Variants in CSTL1 observed in about 807,000 individuals in gnomAD.
CSTL1 encodes cystatin-like 1.
A neutral mutation model predicts 14.4 loss-of-function variants in CSTL1; 14 were observed. The observed-to-expected ratio is 0.97, with a 90% CI of 0.64 to 1.52. The LOEUF is 1.52. Among genes scored for constraint, CSTL1 ranks in the 40% most tolerant of loss-of-function variants. The probability of loss-of-function intolerance (pLI) is 0.00; values close to 1 mark genes in which losing one functional copy is unlikely to be tolerated. For missense variants in CSTL1, 170 were observed against 168.7 expected (o/e 1.01, Z -0.04); for synonymous variants, 72 against 67.5 (o/e 1.07, Z -0.33).
chr20:23,456,017 A>G, the CSTL1 span, among the ~76,000 whole-genome samples: 27,889 of 152,046 alleles, frequency 0.18, 4,777 homozygotes, highest in African/African-American at 0.44. Flanking sequence ...CTCTTCCTCT[A>G]TGTTCATAAT....
intron 2 of CSTL1, among the ~76,000 whole-genome samples, chr20:23,443,206 G>A (rs1986878604): frequency 6.6e-6 from 1 of 152,218 alleles, no homozygotes; most frequent in East Asian, 1.9e-4. Flanking sequence ...GCCAGATTTT[G>A]TGTTCTGTCA....
downstream of CSTL1, among the ~76,000 whole-genome samples, chr20:23,448,056 T>C (rs1333784435): frequency 2.0e-5 from 3 of 152,112 alleles, no homozygotes; most frequent in Non-Finnish European, 4.4e-5. Context: ...TTTATTTCAA[T>C]GGGTTTTTGG....
chr20:23,448,428 G>T (rs1459790171), downstream of CSTL1, among the ~76,000 whole-genome samples: 2 of 152,122 alleles, frequency 1.3e-5, no homozygotes, highest in Non-Finnish European at 2.9e-5. Flanking sequence ...CTTGAGCATG[G>T]TGCTGGTTAC....
the CSTL1 span, among the ~76,000 whole-genome samples, chr20:23,450,058 G>T: frequency 1.3e-5 from 2 of 152,074 alleles, no homozygotes; most frequent in Non-Finnish European, 2.9e-5. Flanking sequence ...CACACTTTAG[G>T]TAAGGAGAGA....
chr20:23,452,656 G>A, the CSTL1 span: 61 of 1,613,780 alleles, frequency 3.8e-5, 1 homozygote, highest in South Asian at 4.3e-4. Context: ...TATACTGGTC[G>A]GTGATCCACT....
chr20:23,457,643 T>C, the CSTL1 span: 19 of 152,130 alleles, frequency 1.2e-4, no homozygotes, highest in Admixed American at 1.1e-3. Flanking sequence ...CTGTAACTGT[T>C]TGTGATCAAT....
chr20:23,451,965 C>A, the CSTL1 span: 1 of 1,471,216 alleles, frequency 6.8e-7, no homozygotes, highest in East Asian at 2.3e-5. Flanking sequence ...TCCCCTTCTC[C>A]CCTGTCTGCG....
the CSTL1 span, chr20:23,450,637 T>C: frequency 1.4e-6 from 2 of 1,453,270 alleles, no homozygotes; most frequent in Non-Finnish European, 9.5e-7. Context: ...CAGGTGAAAT[T>C]TAAAAGGAGA....
At chr20:23,449,410 ATG>A (rs930262449), downstream of CSTL1, among the ~76,000 whole-genome samples, 10 of 151,644 alleles carry the variant, frequency 6.6e-5, no homozygotes, top group African/African-American at 2.4e-4. Flanking sequence ...GTGTGTGTGT[ATG>A]TGTGTGTGTA....
downstream of CSTL1, chr20:23,445,001 C>T: frequency 1.4e-6 from 1 of 701,356 alleles, no homozygotes; most frequent in South Asian, 1.6e-5. Context: ...CACGTACACA[C>T]ACTTGCACAT....
the CSTL1 span, among the ~76,000 whole-genome samples, chr20:23,459,652 T>G: frequency 6.6e-6 from 1 of 152,234 alleles, no homozygotes; most frequent in South Asian, 2.1e-4. Context: ...TGGGTCATTC[T>G]TCAGAACACC....
At chr20:23,445,586 A>AT (rs1461907723), downstream of CSTL1, among the ~76,000 whole-genome samples, 2 of 152,190 alleles carry the variant, frequency 1.3e-5, no homozygotes, top group African/African-American at 4.8e-5. Context: ...CAGAATGTTC[A>AT]TAATCATTGG....
chr20:23,450,508 A>C, the CSTL1 span: 1 of 1,609,674 alleles, frequency 6.2e-7, no homozygotes. Context: ...CAGGACACCT[A>C]GTCACTGCTG....
chr20:23,453,721 C>G, the CSTL1 span, among the ~76,000 whole-genome samples: 1 of 152,136 alleles, frequency 6.6e-6, no homozygotes, highest in East Asian at 1.9e-4. Flanking sequence ...TGTGTGGGAA[C>G]CCGGGGAGGA....
rs57456391 is a variant in CSTL1 at position 23,443,858 on chromosome 20, G to A, written c.220-76G>A. ...TGTGGCCCTGGGAGCTTTACTCTCA[G>A]TCCTAGCTTCTCCAGGAGAGGGTCA... On this transcript the variant is annotated intron_variant, in intron 2 of 3. Transcript: ENST00000347397. 5,376 of 1,081,540 alleles carry A rather than the reference G, an allele frequency of 5.0e-3. 157 individuals are homozygous for A. The African/African-American group carries it at 0.073, about 15-fold the overall frequency. 67.0% of individuals were successfully genotyped at this position (1,081,540 alleles called of 1,614,324 possible). A position where few individuals can be genotyped will look rare whatever the true frequency, so the allele number is the denominator to read the frequency against.
chr20:23,447,071 C>G (rs1007774891), downstream of CSTL1, among the ~76,000 whole-genome samples: 4 of 152,174 alleles, frequency 2.6e-5, no homozygotes, highest in Non-Finnish European at 5.9e-5. Flanking sequence ...GGCCTGCTGC[C>G]CACATTATCC....
rs149138276 is a variant in CSTL1 at position 23,440,293 on chromosome 20, C to G, written c.26C>G (p.Pro9Arg). Residue 9 changes from proline (P) to arginine (R), a missense_variant, in exon 2 of 4, where the codon CCC becomes CGC. Physicochemically the swap from Pro to Arg is moderately radical, Grantham distance 103. Coordinates refer to ENST00000347397, the MANE Select transcript of CSTL1 (RefSeq NM_138283.1). ...ATGGGGATCGGATGCTGGAGAAACC[C>G]CCTGCTGCTGCTGATTGCCCTGGTC... MGIGCWRN[P>R]LLLLIALVLS... is the part of the protein sequence containing the mutation. The G allele has an allele frequency of 7.4e-6, 12 of 1,613,998 alleles. No individual in the cohort carries two copies. The highest frequency in any genetic ancestry group is 1.0e-5 in the Non-Finnish European group (12 of 1,180,036).
Position 23,440,334 on chromosome 20 carries a change from G to A in CSTL1, c.67G>A (p.Gly23Ser). The A allele has an allele frequency of 6.2e-7, 1 of 1,614,160 alleles. No individual in the cohort carries two copies. The highest frequency in any genetic ancestry group is 8.5e-7 in the Non-Finnish European group (1 of 1,180,028). ...TGCCCTGGTCCTGTCAGCCAAGCTG[G>A]GTCACTTCCAAAGGTGGGAGGGCTT... The part of the protein sequence containing the change: ...LIALVLSAKL[G>S]HFQRWEGFQQ... The change falls in exon 2 of 4, where the codon GGT (glycine) becomes AGT (serine). Residue 23 changes from glycine (G) to serine (S), a missense_variant. By Grantham distance (56) the Gly-to-Ser change is moderately conservative (BLOSUM62 0). Coordinates refer to ENST00000347397, the MANE Select transcript of CSTL1 (RefSeq NM_138283.1).
chr20:23,444,641 C>T (rs1986925769), intron 3 of CSTL1, 130 bp from the exon 4 acceptor site: 2 of 637,466 alleles, frequency 3.1e-6, no homozygotes, highest in Non-Finnish European at 5.7e-6. Flanking sequence ...CTACCCTTGA[C>T]TGTGGGCAGC....
Sources: gnomAD v4.1 joint callset for allele counts (sites outside exome capture counted in the v4.1 genomes callset) on GRCh38, gnomAD v4.1.1 for gene constraint, MANE v1.5 for transcripts, NCBI Gene and HGNC (gene_info 2026-07-23, HGNC 2026-07-21) for gene names.